The following PTPN5 variants were observed in gnomAD, a reference collection of about 807,000 sequenced individuals.
The protein encoded by PTPN5 is tyrosine-protein phosphatase non-receptor type 5.
A neutral mutation model predicts 73.9 loss-of-function variants in PTPN5; 29 were observed. The ratio of observed to expected loss-of-function variants is 0.39; its 90% CI spans 0.29 to 0.54. The LOEUF (loss-of-function observed/expected upper bound fraction) is 0.54. Among genes scored for constraint, PTPN5 ranks in the 20% least tolerant of loss-of-function variants. PTPN5 has a pLI of 0.65. For synonymous variants in PTPN5, 267 were observed against 304.7 expected (o/e 0.88, Z 1.29); for missense variants, 652 against 751.4 (o/e 0.87, Z 1.55).
intron 3 of PTPN5, among the ~76,000 whole-genome samples, chr11:18,759,341 T>C (rs1850289858): frequency 6.6e-6 from 1 of 152,166 alleles, no homozygotes; most frequent in South Asian, 2.1e-4. Flanking sequence ...ACCCTTATTC[T>C]AGAGTGAGGA....
rs1481036546 is a variant in PTPN5, at chr11:18,743,045, G to A, written c.430C>T (p.Pro144Ser). ...AWLDSGTWGV[P>S]SLLLVFLSVG... ...GACAGAAAGACCAGCAGCAGACTGG[G>A]GACTCCCCACGTCCCAGAGTCAAGC... The change falls in exon 6 of 15, where the codon CCC becomes TCC. Residue 144 changes from proline (P) to serine (S), a missense_variant. By Grantham distance (74) the Pro-to-Ser change is moderately conservative. Transcript: ENST00000358540. The A allele has an allele frequency of 1.9e-6, 3 of 1,551,754 alleles. No individual in the cohort carries two copies. The highest frequency in any genetic ancestry group is 3.3e-4 in the Middle Eastern group (2 of 5,992).
chr11:18,772,053 G>A lies in PTPN5; in HGVS notation c.-95C>T, dbSNP rs935205044. The stretch of plus-strand genomic sequence containing the variant: ...TGGTGATATAAATGAAGGAGAGAGG[G>A]CAGCTTCAGATCATCCAGCTGGGAA... On this transcript the variant is annotated 5_prime_UTR_variant, in exon 2 of 15. Coordinates refer to ENST00000358540, the MANE Select transcript of PTPN5 (RefSeq NM_006906.2). The A allele has an allele frequency of 2.2e-6, 2 of 924,040 alleles. No individual in the cohort carries two copies. The highest frequency in any genetic ancestry group is 3.3e-6 in the Non-Finnish European group (2 of 612,588). 57.2% of individuals were successfully genotyped at this position (924,040 alleles called of 1,614,324 possible).
chr11:18,736,841 C>T lies in PTPN5; in HGVS notation c.1000+1039G>A, dbSNP rs904695450. 5.3e-5 allele frequency among the ~76,000 whole-genome samples: 8 copies of T among 152,270 alleles called. No individual in the cohort carries two copies. The East Asian group carries it at 1.2e-3, about 22-fold the overall frequency. On this transcript the variant is annotated intron_variant, in intron 9 of 14. Coordinates refer to ENST00000358540, the MANE Select transcript of PTPN5 (RefSeq NM_006906.2). ...GCAAAGTCCAAGGTTCTAGGATACT[C>T]GAGTCCCTCCCTCCAGGTAGGGCTG... is the stretch of plus-strand genomic sequence containing the variant.
chr11:18,773,164 C>G (rs1235333646), intron 1 of PTPN5, among the ~76,000 whole-genome samples: 1 of 150,560 alleles, frequency 6.6e-6, no homozygotes, highest in African/African-American at 2.5e-5. Flanking sequence ...CTTTTCCCTC[C>G]CCTTCTTTCC....
chr11:18,759,484 G>C (rs1439847539), intron 3 of PTPN5, among the ~76,000 whole-genome samples: 1 of 152,206 alleles, frequency 6.6e-6, no homozygotes, highest in African/African-American at 2.4e-5. Context: ...CCTGGTGTCT[G>C]AGAATAGTTA....
At chr11:18,773,714 C>T (rs893357668) in intron 1 of PTPN5, among the ~76,000 whole-genome samples, 2 of 152,204 alleles carry the variant, frequency 1.3e-5, no homozygotes, top group South Asian at 2.1e-4. Flanking sequence ...TTCTTCCATA[C>T]CTGATATTAA....
At chr11:18,772,199 C>T (rs1850935538) in intron 1 of PTPN5, 128 bp from the exon 2 acceptor site, 3 of 527,144 alleles carry the variant, frequency 5.7e-6, no homozygotes, top group Admixed American at 4.2e-5. Context: ...CCCTGGTGCC[C>T]TGCTTGCCTC....
intron 1 of PTPN5, among the ~76,000 whole-genome samples, chr11:18,778,189 T>G (rs1204110771): frequency 1.3e-5 from 2 of 152,178 alleles, no homozygotes; most frequent in African/African-American, 2.4e-5. Flanking sequence ...AGAGCAGCAG[T>G]AGGACCTAAC....
At chr11:18,790,969 G>A (rs958975093) in intron 1 of PTPN5, among the ~76,000 whole-genome samples, 2 of 152,140 alleles carry the variant, frequency 1.3e-5, no homozygotes, top group Non-Finnish European at 2.9e-5. Flanking sequence ...GGCAATCTCC[G>A]GTTTTGCAGG....
At chr11:18,756,365 C>T (rs1249611856) in intron 3 of PTPN5, among the ~76,000 whole-genome samples, 1 of 144,326 alleles carries the variant, frequency 6.9e-6, no homozygotes, top group Non-Finnish European at 1.5e-5. Flanking sequence ...GGCATGATCT[C>T]TGCTCACTGT....
chr11:18,754,778 T>G (rs1037866826), intron 3 of PTPN5, among the ~76,000 whole-genome samples: 1 of 152,248 alleles, frequency 6.6e-6, no homozygotes. Flanking sequence ...TTCCTTTTGA[T>G]GTACTTTTCT....
intron 1 of PTPN5, among the ~76,000 whole-genome samples, chr11:18,785,353 G>C (rs1021902007): frequency 1.3e-5 from 2 of 152,176 alleles, no homozygotes; most frequent in African/African-American, 2.4e-5. Context: ...AATAAAGCAG[G>C]GGTCAGCCAA....
intron 1 of PTPN5, among the ~76,000 whole-genome samples, chr11:18,777,329 T>C (rs1027168623): frequency 6.6e-6 from 1 of 152,206 alleles, no homozygotes; most frequent in Non-Finnish European, 1.5e-5. Context: ...GATAAATGTG[T>C]CTACACTCCA....
In PTPN5 at chr11:18,765,808, C is replaced by T. The variant is rs1428857141; in HGVS notation, c.96G>A (p.Pro32=). 20 of 1,565,840 alleles carry T rather than the reference C, an allele frequency of 1.3e-5. No homozygotes were observed. The highest frequency in any genetic ancestry group is 5.9e-5 in the South Asian group (5 of 85,032). The change falls in exon 3 of 15, where the codon CCG becomes CCA. Residue 32 remains proline, a splice_region_variant and synonymous_variant. Transcript: ENST00000358540. ...GAGCTGGGTGCTGAGAAGACTCACCCGGTAGCCTCTCACTGCAGCACATGT... is the reference window on the plus strand; with the variant it reads ...GAGCTGGGTGCTGAGAAGACTCACCTGGTAGCCTCTCACTGCAGCACATGT... ...ALDMCCSERL[P]GLPQPIVMEA... is the part of the protein sequence containing the mutation.
rs536322458 is a variant in PTPN5 at position 18,733,220 on chromosome 11, G to A, written c.1218+15C>T. ...CAATGTAGCAGACACTTAGAATGGG[G>A]ACGGGGGTCCCTACCTCGTTCATCT... On this transcript the variant is annotated intron_variant, in intron 11 of 14. Coordinates refer to ENST00000358540, the MANE Select transcript of PTPN5 (RefSeq NM_006906.2). This position sits in a 1 kb window ranked among gnomAD's most constrained non-coding sequence, Gnocchi z 4.3. 5.6e-6 allele frequency: 9 copies of A among 1,607,830 alleles called. No homozygotes were observed. In the Admixed American group the frequency reaches 6.7e-5, roughly 12 times the overall value.
At chr11:18,764,667 G>A (rs1289553029) in intron 3 of PTPN5, among the ~76,000 whole-genome samples, 4 of 152,152 alleles carry the variant, frequency 2.6e-5, no homozygotes, top group African/African-American at 7.2e-5. Context: ...TACAGGTTTG[G>A]AATTTCAACG....
intron 3 of PTPN5, among the ~76,000 whole-genome samples, chr11:18,757,628 A>C (rs764259): frequency 0.32 from 48,113 of 152,100 alleles, 9,040 homozygotes; most frequent in Admixed American, 0.47. Flanking sequence ...TGTTTGCAGA[A>C]GGTGTGTTTG....
intron 1 of PTPN5, among the ~76,000 whole-genome samples, chr11:18,784,914 C>T (rs1422666490): frequency 6.6e-5 from 10 of 151,954 alleles, no homozygotes; most frequent in African/African-American, 2.4e-4. Flanking sequence ...AGTGCAGCGG[C>T]GCTATCTTGG....
rs71486877 is a variant in PTPN5, at chr11:18,733,352, C to T, written c.1101G>A (p.Lys367=). Residue 367 remains lysine (K), a synonymous_variant, in exon 11 of 15, where the codon AAG becomes AAA. Coordinates refer to ENST00000358540, the MANE Select transcript of PTPN5 (RefSeq NM_006906.2). This position sits in a 1 kb window ranked among gnomAD's most constrained non-coding sequence, Gnocchi z 4.3. ...TGGGTCCCTGAGTGGCGATGTACAC[C>T]TTCTCCTCCCCACCATAGCCCTGCG... ...NYIRGYGGEE[K]VYIATQGPIV... 5.0e-6 allele frequency: 8 copies of T among 1,613,838 alleles called. No individual in the cohort carries two copies. The African/African-American group carries it at 9.3e-5, about 19-fold the overall frequency.
Sources: gnomAD v4.1 joint callset for allele counts (sites outside exome capture counted in the v4.1 genomes callset) on GRCh38, gnomAD v4.1.1 for gene constraint, Gnocchi (gnomAD v3.1) non-coding constraint, MANE v1.5 for transcripts, NCBI Gene and HGNC (gene_info 2026-07-23, HGNC 2026-07-21) for gene names.